The following KCNN3 variants were observed in gnomAD, a reference collection of about 807,000 sequenced individuals.
KCNN3 encodes small conductance calcium-activated potassium channel protein 3.
Under a neutral mutation model 62.9 loss-of-function variants are expected in KCNN3, and 16 were observed. That is an observed-to-expected ratio of 0.25 (90% confidence interval 0.17 to 0.39). The LOEUF is 0.39. Ranked by LOEUF, KCNN3 falls within the 10% of genes least tolerant of loss-of-function variation. The probability of loss-of-function intolerance (pLI) is 1.00; values close to 1 mark genes in which losing one functional copy is unlikely to be tolerated. For synonymous variants in KCNN3, 370 were observed against 389.2 expected, an observed-to-expected ratio of 0.95 and a Z score of 0.58; for missense variants, 599 against 949.4, an observed-to-expected ratio of 0.63 and a Z score of 4.85.
At chr1:154,732,415 G>A (rs541772386) in intron 4 of KCNN3, among the ~76,000 whole-genome samples, 1 of 152,356 alleles carries the variant, frequency 6.6e-6, no homozygotes, top group African/African-American at 2.4e-5. Context: ...GTGCTGCAAA[G>A]CACTTGGCAC....
rs757157532 is a variant in KCNN3, at chr1:154,733,026, C to T, written c.1567G>A (p.Val523Ile). ...MVPHTYCGKG[V>I]CLLTGIMGAG... ...ACCATGATGCCAGTGAGGAGACAGA[C>T]ACCTTTCCCACAGTATGTGTGGGGC... is the stretch of plus-strand genomic sequence containing the variant. The change falls in exon 4 of 8, where the codon GTC becomes ATC. Residue 523 changes from valine to isoleucine, a missense_variant. By Grantham distance (29) the Val-to-Ile change is conservative. Transcript: ENST00000271915. The T allele has an allele frequency of 1.2e-6, 2 of 1,614,108 alleles. No individual in the cohort carries two copies. The highest frequency in any genetic ancestry group is 8.5e-7 in the Non-Finnish European group (1 of 1,179,956).
At chr1:154,714,138 GTGTT>G (rs1700144633) in intron 6 of KCNN3, among the ~76,000 whole-genome samples, 1 of 138,898 alleles carries the variant, frequency 7.2e-6, no homozygotes, top group African/African-American at 2.7e-5. Context: ...TGTGTGTGTG[GTGTT>G]TGTGTGTGGT....
At chr1:154,842,516 A>T (rs6704449) in intron 1 of KCNN3, among the ~76,000 whole-genome samples, 47,728 of 151,736 alleles carry the variant, frequency 0.31, 7,936 homozygotes, top group African/African-American at 0.37. Flanking sequence ...GCTATAAGCA[A>T]CTGGGATTTA....
chr1:154,768,227 C>T (rs944029477), intron 3 of KCNN3, among the ~76,000 whole-genome samples: 1 of 152,220 alleles, frequency 6.6e-6, no homozygotes, highest in African/African-American at 2.4e-5. Context: ...CAAAGCTTCC[C>T]CTGCTTCCAG....
At chr1:154,810,158 G>A (rs1650341984) in intron 2 of KCNN3, among the ~76,000 whole-genome samples, 4 of 152,156 alleles carry the variant, frequency 2.6e-5, no homozygotes, top group Admixed American at 2.6e-4. Context: ...CTTACCATAG[G>A]AACGGGCAGA....
At chr1:154,819,876 C>A (rs796450145) in intron 2 of KCNN3, among the ~76,000 whole-genome samples, 1 of 152,160 alleles carries the variant, frequency 6.6e-6, no homozygotes, top group African/African-American at 2.4e-5. Context: ...GGAAAGGGAC[C>A]AAAGTTTCCA....
At position 154,698,408 on chromosome 1, in the gene KCNN3, T is replaced by C. The variant is rs1699782710; in HGVS notation, c.*9568A>G. The C allele has an allele frequency of 2.0e-5, 3 of 152,218 alleles. No homozygotes were observed. The highest frequency in any genetic ancestry group is 7.2e-5 in the African/African-American group (3 of 41,444). The allele number at this position is 152,218 out of a possible 1,614,324, so 9.4% of individuals were successfully genotyped here. On this transcript the variant is annotated 3_prime_UTR_variant, in exon 8 of 8. Coordinates refer to ENST00000271915, the MANE Select transcript of KCNN3 (RefSeq NM_002249.6). ...TGACATTTTGCAGTGTCTCTTCTGA[T>C]TGACACTGTATACAGGGCATGACCT...
chr1:154,801,010 C>A (rs1330636895), intron 2 of KCNN3, among the ~76,000 whole-genome samples: 1 of 152,118 alleles, frequency 6.6e-6, no homozygotes, highest in African/African-American at 2.4e-5. Flanking sequence ...GTGCCACTTC[C>A]CTCCAACCAG....
chr1:154,769,107 C>T (rs906429221), intron 3 of KCNN3, among the ~76,000 whole-genome samples: 3 of 151,958 alleles, frequency 2.0e-5, no homozygotes, highest in Non-Finnish European at 4.4e-5. Context: ...GCCTTCATGT[C>T]CAATTCAAAC....
intron 3 of KCNN3, among the ~76,000 whole-genome samples, chr1:154,746,068 A>G: frequency 6.6e-6 from 1 of 152,188 alleles, no homozygotes; most frequent in East Asian, 1.9e-4. Context: ...ACTAGTGAAA[A>G]ATATAAAACT....
At chr1:154,830,293 G>A (rs1651329335) in intron 1 of KCNN3, among the ~76,000 whole-genome samples, 1 of 152,200 alleles carries the variant, frequency 6.6e-6, no homozygotes, top group Non-Finnish European at 1.5e-5. Flanking sequence ...GCCTGGAGAG[G>A]GTCACATTCC....
intron 1 of KCNN3, among the ~76,000 whole-genome samples, chr1:154,851,690 T>C (rs1268600931): frequency 6.6e-6 from 1 of 152,188 alleles, no homozygotes; most frequent in Admixed American, 6.5e-5. Flanking sequence ...CAGCCACTTT[T>C]TACCAACTCA....
intron 1 of KCNN3, among the ~76,000 whole-genome samples, chr1:154,832,979 C>A (rs1478528193): frequency 6.6e-6 from 1 of 152,178 alleles, no homozygotes; most frequent in Admixed American, 6.5e-5. Context: ...CACCTGATAG[C>A]CACAGAGAGG....
At chr1:154,791,842 A>G (rs1418519729) in intron 2 of KCNN3, among the ~76,000 whole-genome samples, 2 of 152,152 alleles carry the variant, frequency 1.3e-5, no homozygotes, top group Non-Finnish European at 2.9e-5. Flanking sequence ...TGGAAGGAAA[A>G]ACCAAACCTC....
At chr1:154,846,777 G>A (rs191106861) in intron 1 of KCNN3, among the ~76,000 whole-genome samples, 20 of 152,298 alleles carry the variant, frequency 1.3e-4, no homozygotes, top group Admixed American at 5.9e-4. Context: ...GGTAATCAAG[G>A]CCTTTGGGGA....
In KCNN3 at chr1:154,857,112, C is replaced by T. The variant is rs143969039; in HGVS notation, c.933+11920G>A. Among the ~76,000 whole-genome samples, 50 of 152,320 alleles carry T rather than the reference C, an allele frequency of 3.3e-4. 1 individual carries two copies. The East Asian group carries it at 9.4e-3, about 29-fold the overall frequency. Reference sequence around the variant, plus strand: ...CCATGTCTATTTGGTGCTGAACCCCCAGAACCAACCAGAACACGCCAGGCA... The same window carrying T: ...CCATGTCTATTTGGTGCTGAACCCCTAGAACCAACCAGAACACGCCAGGCA... On this transcript the variant is annotated intron_variant, in intron 1 of 7. Coordinates refer to ENST00000271915, the MANE Select transcript of KCNN3 (RefSeq NM_002249.6).
chr1:154,771,035 C>A (rs541327144), intron 3 of KCNN3, among the ~76,000 whole-genome samples: 2 of 149,370 alleles, frequency 1.3e-5, no homozygotes, highest in African/African-American at 2.5e-5. Flanking sequence ...CCAGCCTGGG[C>A]GAGAGAGCGA....
chr1:154,756,125 TGAG>T (rs879628659), intron 3 of KCNN3, among the ~76,000 whole-genome samples: 3,812 of 55,950 alleles, frequency 0.068, 37 homozygotes, highest in African/African-American at 0.12. Flanking sequence ...AAGAGGAAGA[TGAG>T]GAGGAGGAAG....
At chr1:154,820,771 C>T (rs11583758) in intron 2 of KCNN3, among the ~76,000 whole-genome samples, 6,436 of 152,290 alleles carry the variant, frequency 0.042, 212 homozygotes, top group Non-Finnish European at 0.063. Context: ...ATCTGCAACC[C>T]TTTAGAGGCT....
Sources: allele counts gnomAD v4.1 joint callset (sites outside exome capture counted in the v4.1 genomes callset), GRCh38; gene constraint gnomAD v4.1.1; transcripts MANE v1.5; gene names NCBI Gene and HGNC (gene_info 2026-07-23, HGNC 2026-07-21).